USP50: variants seen among roughly 807,000 people sequenced by gnomAD.
USP50 encodes the protein ubiquitin specific peptidase 50, also known as ubiquitin carboxyl-terminal hydrolase 50.
A neutral mutation model predicts 39.2 loss-of-function variants in USP50; 37 were observed. That is an observed-to-expected ratio of 0.94 (90% confidence interval 0.73 to 1.24). The LOEUF (loss-of-function observed/expected upper bound fraction) is 1.24, where lower values mean the gene tolerates loss of function less well. Among genes scored for constraint, USP50 ranks in the 50% most tolerant of loss-of-function variants. The pLI, the probability that USP50 is intolerant of heterozygous loss-of-function variation, is 0.00. For synonymous variants in USP50, 139 were observed against 144.5 expected, an observed-to-expected ratio of 0.96 and a Z score of 0.27; for missense variants, 374 against 398.2, an observed-to-expected ratio of 0.94 and a Z score of 0.52.
chr15:50,533,991 C>G (rs2052960968), intron 5 of USP50, among the ~76,000 whole-genome samples: 2 of 151,808 alleles, frequency 1.3e-5, no homozygotes, highest in African/African-American at 4.8e-5. Context: ...CAGAGTGAGA[C>G]TCCATCTCAA....
At chr15:50,544,393 A>AT (rs2053055031) in intron 2 of USP50, among the ~76,000 whole-genome samples, 194 bp downstream of exon 2, 1 of 151,828 alleles carries the variant, frequency 6.6e-6, no homozygotes, top group African/African-American at 2.4e-5. Flanking sequence ...TAAAAAATAA[A>AT]AAAAAAAGGA....
chr15:50,539,458 G>A (rs1205658650), intron 4 of USP50, among the ~76,000 whole-genome samples: 8 of 137,140 alleles, frequency 5.8e-5, no homozygotes, highest in East Asian at 4.4e-4. Flanking sequence ...TCCCTCTGTC[G>A]CCAGGCTGAG....
At chr15:50,525,540 A>ATATGTATATG in intron 6 of USP50, among the ~76,000 whole-genome samples, 1 of 84,206 alleles carries the variant, frequency 1.2e-5, no homozygotes, top group South Asian at 3.7e-4. Flanking sequence ...ATGTATATGT[A>ATATGTATATG]TATATGTATA....
intron 5 of USP50, among the ~76,000 whole-genome samples, chr15:50,533,559 A>T (rs2052958174): frequency 6.6e-6 from 1 of 152,244 alleles, no homozygotes; most frequent in African/African-American, 2.4e-5. Context: ...GAAAGTGGAA[A>T]AAAATATTGA....
intron 2 of USP50, 32 bp downstream of exon 2, chr15:50,544,555 G>C: frequency 6.3e-7 from 1 of 1,588,090 alleles, no homozygotes; most frequent in Non-Finnish European, 8.6e-7. Context: ...TGGGGGTGGG[G>C]GCTGGGCTGC....
intron 6 of USP50, among the ~76,000 whole-genome samples, chr15:50,529,246 A>G (rs2052921485): frequency 6.7e-6 from 1 of 149,426 alleles, no homozygotes; most frequent in African/African-American, 2.4e-5. Context: ...ATGGTGGCTG[A>G]TGCTTGTAAT....
intron 6 of USP50, chr15:50,508,548 G>A (rs1241705891): frequency 1.3e-5 from 2 of 152,082 alleles, no homozygotes; most frequent in Admixed American, 1.3e-4. Flanking sequence ...TAATACACTG[G>A]ACACTCAGTT....
At position 50,536,241 on chromosome 15, in the gene USP50, C is replaced by CA. The variant is rs552548044; in HGVS notation, c.803+2467dup. On this transcript the variant is annotated intron_variant, in intron 5 of 6. Coordinates refer to ENST00000532404, the MANE Select transcript of USP50 (RefSeq NM_203494.5). ...TATGTTGAAAATCTGAAGGAATCAA[C>CA]AAAAAAACCTCTTGGAAATAATAAA... 1.1e-4 allele frequency among the ~76,000 whole-genome samples: 17 copies of CA among 151,964 alleles called. No individual in the cohort carries two copies. The South Asian group carries it at 3.1e-3, about 28-fold the overall frequency.
chr15:50,546,274 G>A (rs936349436), intron 1 of USP50, among the ~76,000 whole-genome samples, 199 bp downstream of exon 1: 1 of 152,120 alleles, frequency 6.6e-6, no homozygotes, highest in Non-Finnish European at 1.5e-5. Flanking sequence ...ACCACAGGAG[G>A]TCCTAGACTG....
chr15:50,527,508 G>C (rs2052908069), intron 6 of USP50, among the ~76,000 whole-genome samples: 1 of 151,612 alleles, frequency 6.6e-6, no homozygotes, highest in Non-Finnish European at 1.5e-5. Context: ...TGCCCGGCCT[G>C]AGATTCTTTA....
At chr15:50,509,268 G>A (rs1035019965) in intron 6 of USP50, 2 of 152,056 alleles carry the variant, frequency 1.3e-5, no homozygotes, top group South Asian at 2.1e-4. Flanking sequence ...AGTGAGCCAA[G>A]ATCACACCAC....
intron 6 of USP50, among the ~76,000 whole-genome samples, chr15:50,529,485 C>T (rs2052923542): frequency 6.6e-6 from 1 of 152,134 alleles, no homozygotes; most frequent in Admixed American, 6.5e-5. Context: ...GAGCAAGGCC[C>T]TGTCTCAGAA....
intron 6 of USP50, among the ~76,000 whole-genome samples, chr15:50,525,546 G>GTATATGTA (rs1566907506): frequency 2.4e-5 from 2 of 84,040 alleles, no homozygotes; most frequent in African/African-American, 5.0e-5. Context: ...ATGTATATAT[G>GTATATGTA]TATATATGTG....
At chr15:50,495,295 CATAT>C (rs2052343136) in intron 1 of USP50, among the ~76,000 whole-genome samples, 1 of 11,598 alleles carries the variant, frequency 8.6e-5, no homozygotes, top group Non-Finnish European at 1.9e-4. Flanking sequence ...TACATATATA[CATAT>C]ATACGTGTAT....
Position 50,538,867 on chromosome 15 carries a change from A to G in USP50, c.661-16T>C, listed in dbSNP as rs745371342. 1.1e-5 allele frequency: 18 copies of G among 1,583,338 alleles called. No homozygotes were observed. Among genetic ancestry groups the G allele is most frequent in the African/African-American group, 5.4e-5 (4 of 73,432 alleles). ...GGAGACAGTCCTGTTAAGGAAAAAA[A>G]GGATTTGGTGACCAAATTGGATCAA... On this transcript the variant is annotated splice_polypyrimidine_tract_variant and intron_variant, in intron 4 of 6. Coordinates refer to ENST00000532404, the MANE Select transcript of USP50 (RefSeq NM_203494.5).
chr15:50,500,575 T>G lies in USP50; in HGVS notation c.*194A>C. The G allele has an allele frequency of 1.9e-6, 1 of 529,882 alleles. No homozygotes were observed. Among genetic ancestry groups the G allele is most frequent in the Non-Finnish European group, 3.4e-6 (1 of 293,796 alleles). 32.8% of individuals were successfully genotyped at this position (529,882 alleles called of 1,614,324 possible). Reference sequence around the variant, plus strand: ...TAATGATGCAAGTAAGTTCTAAGAGTTTAATGACCAAGCAAAACTCTACCA... The same window carrying G: ...TAATGATGCAAGTAAGTTCTAAGAGGTTAATGACCAAGCAAAACTCTACCA... On this transcript the variant is annotated 3_prime_UTR_variant, in exon 7 of 7. Transcript: ENST00000532404.
intron 5 of USP50, among the ~76,000 whole-genome samples, 191 bp from the exon 6 acceptor site, chr15:50,530,120 A>T (rs971317471): frequency 6.6e-6 from 1 of 152,204 alleles, no homozygotes; most frequent in African/African-American, 2.4e-5. Flanking sequence ...CAGCCTGAGT[A>T]ACATGGCAAA....
downstream of USP50, chr15:50,497,071 C>T (rs773886265): frequency 5.0e-6 from 8 of 1,586,646 alleles, no homozygotes; most frequent in South Asian, 9.3e-5. Flanking sequence ...GTATCTGCTA[C>T]TTGTTTTTTT....
At chr15:50,523,932 CG>C (rs1403401929) in intron 6 of USP50, among the ~76,000 whole-genome samples, 1 of 152,136 alleles carries the variant, frequency 6.6e-6, no homozygotes, top group Admixed American at 6.6e-5. Context: ...GCATAAAAAC[CG>C]AACTGTAGAC....
Sources: allele counts gnomAD v4.1 joint callset (sites outside exome capture counted in the v4.1 genomes callset), GRCh38; gene constraint gnomAD v4.1.1; transcripts MANE v1.5; gene names NCBI Gene and HGNC (gene_info 2026-07-23, HGNC 2026-07-21).